ZSCAN31: variants seen among roughly 807,000 people sequenced by gnomAD.
ZSCAN31 encodes zinc finger and SCAN domain-containing protein 31.
Under a neutral mutation model 22.5 loss-of-function variants are expected in ZSCAN31, and 14 were observed. The observed-to-expected ratio is 0.62, with a 90% confidence interval of 0.41 to 0.97. The LOEUF (loss-of-function observed/expected upper bound fraction) is 0.97, where lower values mean the gene tolerates loss of function less well. ZSCAN31 is among the 50% of genes least tolerant of loss of function. ZSCAN31 has a pLI of 0.00. For synonymous variants in ZSCAN31, 168 were observed against 169.8 expected (o/e 0.99, Z 0.08); for missense variants, 424 against 483.4 (o/e 0.88, Z 1.15).
rs558442069 is a variant in ZSCAN31 at position 28,333,332 on chromosome 6, A to G, written c.-96+2750T>C. Among the ~76,000 whole-genome samples, 8 of 152,334 alleles carry G rather than the reference A, an allele frequency of 5.3e-5. No homozygotes were observed. Among genetic ancestry groups the G allele is most frequent in the Admixed American group, 5.2e-4 (8 of 15,306 alleles). ...TCATTTAGTCAATAAATGTTCATTG[A>G]GCACTCATAACATACCAGGTACTTG... On this transcript the variant is annotated intron_variant, in intron 1 of 3. Coordinates refer to ENST00000344279, the MANE Select transcript of ZSCAN31 (RefSeq NM_030899.5). The surrounding 1 kb of genome is among the most constrained non-coding windows in gnomAD (Gnocchi z 4.1).
rs1440617163 is a variant in ZSCAN31 at position 28,325,369 on chromosome 6, A to C, written c.*797T>G. 2.0e-5 allele frequency: 3 copies of C among 152,256 alleles called. No individual in the cohort carries two copies. Among genetic ancestry groups the C allele is most frequent in the Non-Finnish European group, 4.4e-5 (3 of 68,050 alleles). 9.4% of individuals were successfully genotyped at this position (152,256 alleles called of 1,614,324 possible). A position where few individuals can be genotyped will look rare whatever the true frequency, so the allele number is the denominator to read the frequency against. On this transcript the variant is annotated 3_prime_UTR_variant, in exon 4 of 4. Coordinates refer to ENST00000344279, the MANE Select transcript of ZSCAN31 (RefSeq NM_030899.5). The stretch of plus-strand genomic sequence containing the variant: ...TACTTATTATTTGTAACAAAAATGG[A>C]AAACTTACAGTAATGACCTGCATTG...
At chr6:28,339,586 C>T (rs1014681252), upstream of ZSCAN31, among the ~76,000 whole-genome samples, 1 of 152,162 alleles carries the variant, frequency 6.6e-6, no homozygotes. Flanking sequence ...CCACGCCTAG[C>T]CTCCATTAAT....
At chr6:28,346,467 C>T (rs955723756) in intron 2 of ZSCAN31, among the ~76,000 whole-genome samples, 6 of 150,022 alleles carry the variant, frequency 4.0e-5, no homozygotes, top group Non-Finnish European at 7.4e-5. Flanking sequence ...AAGCGATTCT[C>T]ATGTCTCAGC....
intron 2 of ZSCAN31, among the ~76,000 whole-genome samples, chr6:28,348,835 T>C (rs1581704785): frequency 6.6e-6 from 1 of 152,140 alleles, no homozygotes; most frequent in East Asian, 1.9e-4. Flanking sequence ...ATCTTTATGA[T>C]ATTGAGTTCT....
chr6:28,329,856 T>TCATTTA (rs1763608238), intron 1 of ZSCAN31, 78 bp from the exon 2 acceptor site: 8 of 676,438 alleles, frequency 1.2e-5, no homozygotes, highest in Non-Finnish European at 1.9e-5. Context: ...GAAACATGAA[T>TCATTTA]GGTATTCTAT....
At chr6:28,352,546 G>A (rs1045353483) in intron 2 of ZSCAN31, among the ~76,000 whole-genome samples, 18 of 151,928 alleles carry the variant, frequency 1.2e-4, no homozygotes, top group Admixed American at 5.3e-4. Flanking sequence ...ACTGCACCCA[G>A]GCTGATTGAT....
Position 28,349,303 on chromosome 6 carries a change from TC to T in ZSCAN31, c.-371+4558del, listed in dbSNP as rs1489015176. Among the ~76,000 whole-genome samples the T allele has an allele frequency of 1.3e-5, 2 of 151,994 alleles. No homozygotes were observed. The highest frequency in any genetic ancestry group is 4.8e-5 in the African/African-American group (2 of 41,378). On this transcript the variant is annotated intron_variant, in intron 2 of 7. Coordinates refer to the ZSCAN31 transcript ENST00000396838. The surrounding 1 kb of genome is among the most constrained non-coding windows in gnomAD (Gnocchi z 4.1). ...CCTAATGAATAAAGTTACTAATGTT[TC>T]CATTCAGGTATCTTTTGTAAGTATT...
chr6:28,343,626 C>T (rs1211956983), intron 2 of ZSCAN31, among the ~76,000 whole-genome samples: 1 of 144,422 alleles, frequency 6.9e-6, no homozygotes, highest in Non-Finnish European at 1.5e-5. Context: ...TCACTGCAAG[C>T]TCTGCCTCCC....
intron 3 of ZSCAN31, chr6:28,341,634 G>C (rs890273974): frequency 6.6e-6 from 1 of 152,232 alleles, no homozygotes; most frequent in Non-Finnish European, 1.5e-5. Flanking sequence ...TCAGAGCTAG[G>C]AGAGAATGTC....
At chr6:28,338,317 G>A, upstream of ZSCAN31, among the ~76,000 whole-genome samples, 1 of 151,966 alleles carries the variant, frequency 6.6e-6, no homozygotes, top group Non-Finnish European at 1.5e-5. Flanking sequence ...TGGAAGGTGG[G>A]GTTTTCAGTG....
At chr6:28,330,832 G>T (rs1763682709) in intron 1 of ZSCAN31, among the ~76,000 whole-genome samples, 1 of 152,142 alleles carries the variant, frequency 6.6e-6, no homozygotes, top group African/African-American at 2.4e-5. Flanking sequence ...TTTCTGACAG[G>T]GTATGGAATA....
chr6:28,325,162 C>T lies in ZSCAN31; in HGVS notation c.*1004G>A, dbSNP rs544219652. ...TAAGTGTCTAAGCATGCTGGTCTCC[C>T]CAGTAAGCAGCAAGCTGCCCAAGAT... On this transcript the variant is annotated 3_prime_UTR_variant, in exon 4 of 4. Transcript: ENST00000344279. 1 of 152,252 alleles carries T rather than the reference C, an allele frequency of 6.6e-6. No individual in the cohort carries two copies. The highest frequency in any genetic ancestry group is 1.9e-4 in the East Asian group (1 of 5,180). 9.4% of individuals were successfully genotyped at this position (152,252 alleles called of 1,614,324 possible). A position where few individuals can be genotyped will look rare whatever the true frequency, so the allele number is the denominator to read the frequency against.
Position 28,329,576 on chromosome 6 carries a change from T to G in ZSCAN31, c.108A>C (p.Glu36Asp), listed in dbSNP as rs1290460439. The change falls in exon 2 of 4, where the codon GAA (glutamate) becomes GAC (aspartate). Residue 36 changes from glutamate (E) to aspartate (D), a missense_variant. Coordinates refer to ENST00000344279, the MANE Select transcript of ZSCAN31 (RefSeq NM_030899.5). ...ACTGCCTAAAAAGTTGTCGGGAGGC[T>G]TCTTGGCCAGAAAAGTTGTTCCCTC... ...HLRGNNFSGQ[E>D]ASRQLFRQFC... The G allele has an allele frequency of 1.2e-6, 2 of 1,614,218 alleles. No individual in the cohort carries two copies. The highest frequency in any genetic ancestry group is 1.7e-6 in the Non-Finnish European group (2 of 1,180,030).
At position 28,351,358 on chromosome 6, in the gene ZSCAN31, G is replaced by A. The variant is rs1561928169; in HGVS notation, c.-371+2504C>T. ...GTGGACACCCTCCTCATTCCACTTG[G>A]GCTCCAGATTCACTCTGGGTTGGGC... On this transcript the variant is annotated intron_variant, in intron 2 of 7. Transcript: ENST00000396838. This position sits in a 1 kb window ranked among gnomAD's most constrained non-coding sequence, Gnocchi z 4.6. Among the ~76,000 whole-genome samples, 1 of 151,974 alleles carries A rather than the reference G, an allele frequency of 6.6e-6. No individual in the cohort carries two copies. Among genetic ancestry groups the A allele is most frequent in the African/African-American group, 2.4e-5 (1 of 41,372 alleles).
At chr6:28,348,686 G>A (rs919568737) in intron 2 of ZSCAN31, among the ~76,000 whole-genome samples, 1 of 151,844 alleles carries the variant, frequency 6.6e-6, no homozygotes, top group South Asian at 2.1e-4. Context: ...TCCTTCATTT[G>A]TTTTAAAAAT....
chr6:28,342,185 G>A (rs1229011687), intron 2 of ZSCAN31, among the ~76,000 whole-genome samples: 4 of 152,160 alleles, frequency 2.6e-5, no homozygotes, highest in African/African-American at 2.4e-5. Context: ...GGCAGAGCTC[G>A]AGAAAAGATG....
At chr6:28,356,259 G>A (rs894601200), upstream of ZSCAN31, 1 of 152,274 alleles carries the variant, frequency 6.6e-6, no homozygotes, top group Non-Finnish European at 1.5e-5. Context: ...GCGGGACCTA[G>A]TTGCCCAGCA....
At chr6:28,346,340 A>G (rs1257355808) in intron 2 of ZSCAN31, among the ~76,000 whole-genome samples, 2 of 88,604 alleles carry the variant, frequency 2.3e-5, no homozygotes, top group Non-Finnish European at 4.1e-5. Flanking sequence ...CCTCAGTACA[A>G]TCTTTTTTTT....
At chr6:28,355,348 C>A (rs1459458001), upstream of ZSCAN31, 1 of 152,186 alleles carries the variant, frequency 6.6e-6, no homozygotes, top group African/African-American at 2.4e-5. Context: ...GTCATGCGCG[C>A]GACGACTGTA....
Sources: allele counts gnomAD v4.1 joint callset (sites outside exome capture counted in the v4.1 genomes callset), GRCh38; gene constraint gnomAD v4.1.1; non-coding constraint Gnocchi (gnomAD v3.1); transcripts MANE v1.5; gene names NCBI Gene and HGNC (gene_info 2026-07-23, HGNC 2026-07-21).